KLHL8: variants seen among roughly 807,000 people sequenced by gnomAD.
The protein encoded by KLHL8 is kelch-like protein 8.
KLHL8 carries 38 observed loss-of-function variants against 63.5 expected under a neutral mutation model. The ratio of observed to expected loss-of-function variants is 0.60; its 90% CI spans 0.46 to 0.78. KLHL8 has a LOEUF of 0.78. Among genes scored for constraint, KLHL8 ranks in the 30% least tolerant of loss-of-function variants. KLHL8 has a pLI of 0.00. For synonymous variants in KLHL8, 224 were observed against 254.3 expected (o/e 0.88, Z 1.13); for missense variants, 566 against 752.4 (o/e 0.75, Z 2.90).
chr4:87,221,392 T>TAAAAAAA (rs71660123), upstream of KLHL8: 5 of 87,048 alleles, frequency 5.7e-5, no homozygotes, highest in African/African-American at 2.2e-4. Flanking sequence ...AGACTCCGTC[T>TAAAAAAA]AAAAAAAAAA....
At chr4:87,173,876 T>A in intron 6 of KLHL8, among the ~76,000 whole-genome samples, 1 of 148,534 alleles carries the variant, frequency 6.7e-6, no homozygotes, top group Admixed American at 6.8e-5. Context: ...TTGTAGACAG[T>A]GGGAGATAAC....
rs780838169 is a variant in KLHL8, at chr4:87,178,613, C to T, written c.960G>A (p.Leu320=). Residue 320 remains leucine (L), a synonymous_variant, in exon 5 of 10, where the codon CTG becomes CTA. Transcript: ENST00000273963. The stretch of plus-strand genomic sequence containing the variant: ...ATCCACCTCGACCACCTACACAAAA[C>T]AGCACACCTAAAGGTAAAGCCACAA... ...TTPRKHTAGV[L]FCVGGRGGSG... 15 of 1,583,212 alleles carry T rather than the reference C, an allele frequency of 9.5e-6. No individual in the cohort carries two copies. In the East Asian group the frequency reaches 3.5e-4, roughly 37 times the overall value.
chr4:87,176,585 T>TA (rs969104193), intron 6 of KLHL8, among the ~76,000 whole-genome samples, 172 bp downstream of exon 6: 5 of 151,948 alleles, frequency 3.3e-5, no homozygotes, highest in Admixed American at 6.6e-5. Flanking sequence ...TTTTAATTCT[T>TA]AAAAAAAATA....
chr4:87,226,645 T>TATATATATTACTTATATATA (rs1732985324), intron 1 of KLHL8, among the ~76,000 whole-genome samples: 2 of 78,542 alleles, frequency 2.5e-5, no homozygotes, highest in Non-Finnish European at 4.7e-5. Flanking sequence ...ATATAAATAA[T>TATATATATTACTTATATATA]ATATATATTA....
In KLHL8 at chr4:87,188,448, C is replaced by A. The variant is rs543558431; in HGVS notation, c.217-2649G>T. On this transcript the variant is annotated intron_variant, in intron 2 of 9. Transcript: ENST00000273963. The stretch of plus-strand genomic sequence containing the variant: ...CTGTACAAATCAATGGCCGGCAAGT[C>A]ATTTTCATGTTGTTTTTAATAAGAT... Among the ~76,000 whole-genome samples the A allele has an allele frequency of 1.5e-3, 227 of 152,266 alleles. 1 individual carries two copies. Among genetic ancestry groups the A allele is most frequent in the African/African-American group, 5.1e-3 (214 of 41,572 alleles).
In KLHL8 at chr4:87,197,840, CTT is replaced by C. The variant is rs563703004; in HGVS notation, c.-151-2152_-151-2151del. On this transcript the variant is annotated intron_variant, in intron 1 of 9. Transcript: ENST00000273963. The stretch of plus-strand genomic sequence containing the variant: ...AAATAGCATAATCAGGGCTTAAAAA[CTT>C]TTTCTGTAAAGGGCCACAGAGTAGA... Among the ~76,000 whole-genome samples, 443 of 152,108 alleles carry C rather than the reference CTT, an allele frequency of 2.9e-3. 3 individuals are homozygous for C. The highest frequency in any genetic ancestry group is 0.01 in the African/African-American group (415 of 41,484).
chr4:87,202,855 GA>G (rs2110027697), intron 1 of KLHL8, among the ~76,000 whole-genome samples: 1 of 152,152 alleles, frequency 6.6e-6, no homozygotes, highest in East Asian at 1.9e-4. Context: ...AGATAGTACA[GA>G]AAAGGAAACT....
intron 1 of KLHL8, among the ~76,000 whole-genome samples, chr4:87,198,546 C>T (rs1366292482): frequency 3.3e-5 from 5 of 152,008 alleles, no homozygotes; most frequent in Admixed American, 3.3e-4. Context: ...TCAAAGTATG[C>T]TCAATAAAAA....
At chr4:87,207,819 G>C (rs1732204315) in intron 1 of KLHL8, 1 of 1,143,726 alleles carries the variant, frequency 8.7e-7, no homozygotes, top group Admixed American at 1.7e-5. Context: ...TCATTAACCT[G>C]ACCTGCCATC....
At position 87,220,594 on chromosome 4, in the gene KLHL8, TCAGCCCCCG is replaced by T. The variant is rs1732802104; in HGVS notation, c.-337_-329del. On this transcript the variant is annotated 5_prime_UTR_variant, in exon 1 of 10. Coordinates refer to ENST00000273963, the MANE Select transcript of KLHL8 (RefSeq NM_020803.5). ...GGCGGGCGCTTGGCGTCCTCTCGCC[TCAGCCCCCG>T]CGAGCCGCGGCCTCTGGGGGCGGGG... is the stretch of plus-strand genomic sequence containing the variant. 1 of 151,934 alleles carries T rather than the reference TCAGCCCCCG, an allele frequency of 6.6e-6. No homozygotes were observed. Among genetic ancestry groups the T allele is most frequent in the African/African-American group, 2.4e-5 (1 of 41,382 alleles). The allele number at this position is 151,934 out of a possible 1,614,324, so 9.4% of individuals were successfully genotyped here.
intron 2 of KLHL8, among the ~76,000 whole-genome samples, chr4:87,187,178 T>A (rs1238445664): frequency 1.3e-5 from 2 of 152,202 alleles, no homozygotes; most frequent in Admixed American, 6.5e-5. Flanking sequence ...ATACATAATG[T>A]CAAACTGTCC....
intron 2 of KLHL8, among the ~76,000 whole-genome samples, chr4:87,192,755 C>T (rs1388106545): frequency 6.6e-6 from 1 of 152,144 alleles, no homozygotes; most frequent in Non-Finnish European, 1.5e-5. Flanking sequence ...CATACCTGGG[C>T]TATATGGTAC....
chr4:87,207,888 C>T, intron 1 of KLHL8: 1 of 1,522,390 alleles, frequency 6.6e-7, no homozygotes, highest in South Asian at 1.1e-5. Flanking sequence ...CATCGGAGGG[C>T]CCCCTCAAGG....
chr4:87,207,001 A>G (rs1732156526), intron 1 of KLHL8: 1 of 303,750 alleles, frequency 3.3e-6, no homozygotes, highest in African/African-American at 2.2e-5. Flanking sequence ...CCCCCAATGA[A>G]AAAAACTGGG....
intron 1 of KLHL8, among the ~76,000 whole-genome samples, chr4:87,235,128 G>A (rs115308514): frequency 0.019 from 2,912 of 152,160 alleles, 93 homozygotes; most frequent in African/African-American, 0.067. Flanking sequence ...TAGCCTGACT[G>A]TACAGTGTTT....
chr4:87,234,364 G>A (rs1008659017), intron 1 of KLHL8, among the ~76,000 whole-genome samples: 4 of 152,014 alleles, frequency 2.6e-5, no homozygotes, highest in African/African-American at 7.3e-5. Context: ...GCTTGAACCT[G>A]GGAGGCAGAG....
intron 4 of KLHL8, among the ~76,000 whole-genome samples, chr4:87,182,228 CAAAAAAAA>C (rs34458758): frequency 1.5e-5 from 1 of 67,736 alleles, no homozygotes; most frequent in African/African-American, 6.1e-5. Flanking sequence ...GACTCCGTCT[CAAAAAAAA>C]AAAAAAAAAA....
chr4:87,167,600 G>T (rs1730452336), intron 8 of KLHL8: 4 of 502,798 alleles, frequency 8.0e-6, no homozygotes, highest in South Asian at 6.0e-5. Flanking sequence ...CCATCCACAG[G>T]AAGCAGCACC....
chr4:87,213,137 A>T (rs973099040), intron 1 of KLHL8, among the ~76,000 whole-genome samples: 2 of 152,198 alleles, frequency 1.3e-5, no homozygotes, highest in Non-Finnish European at 2.9e-5. Context: ...TACAGTAATC[A>T]TTTCCTTGTT....
Sources: gnomAD v4.1 joint callset for allele counts (sites outside exome capture counted in the v4.1 genomes callset) on GRCh38, gnomAD v4.1.1 for gene constraint, MANE v1.5 for transcripts, NCBI Gene and HGNC (gene_info 2026-07-23, HGNC 2026-07-21) for gene names.